The following LRGUK variants were observed in gnomAD, a reference collection of about 807,000 sequenced individuals.
LRGUK encodes leucine rich repeats and guanylate kinase domain containing.
In LRGUK, 65 loss-of-function variants were observed where a neutral mutation model predicts 76.0. The ratio of observed to expected loss-of-function variants is 0.85; its 90% CI spans 0.70 to 1.05. LRGUK has a LOEUF of 1.05. Among genes scored for constraint, LRGUK ranks in the 50% least tolerant of loss-of-function variants. The pLI, the probability that LRGUK is intolerant of heterozygous loss-of-function variation, is 0.00. For missense variants in LRGUK, 758 were observed against 732.8 expected, an observed-to-expected ratio of 1.03 and a Z score of -0.40; for synonymous variants, 268 against 265.6, an observed-to-expected ratio of 1.01 and a Z score of -0.09.
intron 19 of LRGUK, among the ~76,000 whole-genome samples, chr7:134,262,986 AAAAAAAAGG>A (rs1198470651): frequency 6.6e-6 from 1 of 151,810 alleles, no homozygotes; most frequent in Non-Finnish European, 1.5e-5. Flanking sequence ...AAAAAAAAAA[AAAAAAAAGG>A]AGGAGTTTTT....
intron 1 of LRGUK, 75 bp from the exon 2 acceptor site, chr7:134,136,948 C>CT (rs1322774278): frequency 1.6e-6 from 2 of 1,221,266 alleles, no homozygotes; most frequent in African/African-American, 3.0e-5. Flanking sequence ...TAAATAAGTG[C>CT]TGGATATGAC....
At chr7:134,270,520 T>C in the LRGUK span, among the ~76,000 whole-genome samples, 2 of 152,158 alleles carry the variant, frequency 1.3e-5, no homozygotes, top group African/African-American at 4.8e-5. Context: ...GTAACCATTA[T>C]TCTCAGTTTA....
intron 5 of LRGUK, among the ~76,000 whole-genome samples, chr7:134,156,778 G>A (rs2116904681): frequency 6.6e-6 from 1 of 152,186 alleles, no homozygotes; most frequent in South Asian, 2.1e-4. Flanking sequence ...AGTGACTTTA[G>A]GGCAGAAAGT....
Position 134,251,277 on chromosome 7 carries a change from G to A in LRGUK, c.2198+2201G>A, listed in dbSNP as rs146170287. On this transcript the variant is annotated intron_variant, in intron 18 of 19. Transcript: ENST00000285928. ...GTAAAAAGGAGAAATTTGGACACAG[G>A]CACACACATAGGGAGAATACCTTGT... Among the ~76,000 whole-genome samples the A allele has an allele frequency of 8.6e-3, 1,303 of 152,270 alleles. 14 individuals are homozygous for A. The highest frequency in any genetic ancestry group is 0.025 in the African/African-American group (1,019 of 41,540).
Position 134,143,176 on chromosome 7 carries a change from A to C in LRGUK, c.588+14A>C, listed in dbSNP as rs1408452009. On this transcript the variant is annotated intron_variant, in intron 4 of 15. Coordinates refer to ENST00000645682, the Ensembl canonical transcript of LRGUK. ...AAAAACCTCAAGGTAGACTTTATGA[A>C]TACCTTAATTACACATTAAGGGGTT... 2 of 1,445,310 alleles carry C rather than the reference A, an allele frequency of 1.4e-6. No homozygotes were observed. The highest frequency in any genetic ancestry group is 1.7e-5 in the Admixed American group (1 of 59,670). 89.5% of individuals were successfully genotyped at this position (1,445,310 alleles called of 1,614,324 possible). A position where few individuals can be genotyped will look rare whatever the true frequency, so the allele number is the denominator to read the frequency against.
intron 12 of LRGUK, 151 bp downstream of exon 12, chr7:134,191,902 AG>A: frequency 1.8e-6 from 1 of 549,336 alleles, no homozygotes; most frequent in Non-Finnish European, 3.2e-6. Flanking sequence ...TTTTTCTTAA[AG>A]TGCTTAATAC....
At chr7:134,197,015 T>C in exon 13 of LRGUK, 1 of 1,602,634 alleles carries the variant, frequency 6.2e-7, no homozygotes, top group Non-Finnish European at 8.5e-7. Context: ...TAACATTTAG[T>C]TATGGTAATC....
At position 134,149,404 on chromosome 7, in the gene LRGUK, A is replaced by G. The variant is rs137875392; in HGVS notation, c.670+1085A>G. On this transcript the variant is annotated intron_variant, in intron 5 of 15. Transcript: ENST00000645682. ...ATGAATTGATTGCCTTGGGTGCCTC[A>G]TTCAGGGATGTGACAGCAGCTAGTA... is the stretch of plus-strand genomic sequence containing the variant. 9.2e-5 allele frequency among the ~76,000 whole-genome samples: 14 copies of G among 152,314 alleles called. No homozygotes were observed. The East Asian group carries it at 2.5e-3, about 27-fold the overall frequency.
chr7:134,269,350 C>CTTT (rs71172445), downstream of LRGUK, among the ~76,000 whole-genome samples: 991 of 123,880 alleles, frequency 8.0e-3, 28 homozygotes, highest in African/African-American at 0.028. Flanking sequence ...GATTTCAATT[C>CTTT]TTTTTTTTTT....
intron 4 of LRGUK, among the ~76,000 whole-genome samples, chr7:134,147,738 C>T (rs191517980): frequency 4.1e-4 from 63 of 152,182 alleles, no homozygotes; most frequent in Non-Finnish European, 6.3e-4. Flanking sequence ...TACTATCCCT[C>T]AAAGTGGACA....
intron 15 of LRGUK, among the ~76,000 whole-genome samples, chr7:134,206,733 G>A (rs1383504895): frequency 1.3e-5 from 2 of 152,070 alleles, no homozygotes; most frequent in African/African-American, 4.8e-5. Flanking sequence ...AGTATTAAGG[G>A]ATGTCTTTCC....
intron 19 of LRGUK, among the ~76,000 whole-genome samples, chr7:134,261,349 C>A (rs1441996714): frequency 6.6e-6 from 1 of 151,940 alleles, no homozygotes; most frequent in Non-Finnish European, 1.5e-5. Context: ...TTTGGTTTGG[C>A]CCTACATTCC....
chr7:134,146,191 T>A (rs1293721074), intron 4 of LRGUK, among the ~76,000 whole-genome samples: 1 of 151,906 alleles, frequency 6.6e-6, no homozygotes, highest in Non-Finnish European at 1.5e-5. Flanking sequence ...GGAGAATCGC[T>A]TGAACTGGGA....
At chr7:134,184,339 G>A (rs1378742408) in intron 11 of LRGUK, among the ~76,000 whole-genome samples, 2 of 150,362 alleles carry the variant, frequency 1.3e-5, no homozygotes, top group Non-Finnish European at 3.0e-5. Flanking sequence ...GTGCGATCTC[G>A]GCTCACTGCA....
chr7:134,197,880 T>A (rs1800572318), intron 13 of LRGUK, among the ~76,000 whole-genome samples: 1 of 152,168 alleles, frequency 6.6e-6, no homozygotes, highest in Non-Finnish European at 1.5e-5. Context: ...TTTTTCAAGA[T>A]CCTTTAACTG....
In LRGUK at chr7:134,191,599, T is replaced by A. The variant is rs1190781190; in HGVS notation, c.1335-56T>A. On this transcript the variant is annotated intron_variant, in intron 11 of 15. Transcript: ENST00000645682. ...AAAACATAATTTATATTGAAACCTT[T>A]TCCATTTTGAATTTCAAGTTAGAAA... is the stretch of plus-strand genomic sequence containing the variant. 6 of 1,138,354 alleles carry A rather than the reference T, an allele frequency of 5.3e-6. No individual in the cohort carries two copies. The East Asian group carries it at 1.2e-4, about 22-fold the overall frequency. 70.5% of individuals were successfully genotyped at this position (1,138,354 alleles called of 1,614,324 possible).
intron 18 of LRGUK, among the ~76,000 whole-genome samples, chr7:134,252,339 TAATTAAATTAAATTA>T (rs146773478): frequency 0.027 from 3,884 of 145,734 alleles, 119 homozygotes; most frequent in African/African-American, 0.068. Context: ...CTCAAATAGA[TAATTAAATTAAATTA>T]AATTAAATTA....
intron 10 of LRGUK, among the ~76,000 whole-genome samples, chr7:134,181,188 G>T (rs1799728329): frequency 6.6e-6 from 1 of 152,034 alleles, no homozygotes; most frequent in Non-Finnish European, 1.5e-5. Flanking sequence ...ATTTTCCTTA[G>T]GAAGGGATAT....
At chr7:134,255,319 A>T (rs1318156863) in intron 18 of LRGUK, among the ~76,000 whole-genome samples, 1 of 152,056 alleles carries the variant, frequency 6.6e-6, no homozygotes, top group African/African-American at 2.4e-5. Flanking sequence ...CCTCATTTTA[A>T]AAATGTGACA....
Sources: gnomAD v4.1 joint callset for allele counts (sites outside exome capture counted in the v4.1 genomes callset) on GRCh38, gnomAD v4.1.1 for gene constraint, MANE v1.5 for transcripts, NCBI Gene and HGNC (gene_info 2026-07-23, HGNC 2026-07-21) for gene names.